CFAP58: variants seen among roughly 807,000 people sequenced by gnomAD.
CFAP58 encodes cilia- and flagella-associated protein 58.
Under a neutral mutation model 119.5 loss-of-function variants are expected in CFAP58, and 88 were observed. The ratio of observed to expected loss-of-function variants is 0.74; its 90% CI spans 0.62 to 0.88. CFAP58 has a LOEUF of 0.88. Ranked by LOEUF, CFAP58 falls within the 40% of genes least tolerant of loss-of-function variation. The pLI is 0.00. For synonymous variants in CFAP58, 365 were observed against 366.3 expected, an observed-to-expected ratio of 1.00 and a Z score of 0.04; for missense variants, 990 against 1,021.2, an observed-to-expected ratio of 0.97 and a Z score of 0.42.
In CFAP58 at chr10:104,399,481, A is replaced by G. The variant is rs764930014; in HGVS notation, c.1796A>G (p.Gln599Arg). 152 of 1,613,590 alleles carry G rather than the reference A, an allele frequency of 9.4e-5. No individual in the cohort carries two copies. The highest frequency in any genetic ancestry group is 1.2e-4 in the Non-Finnish European group (147 of 1,179,772). The part of the protein sequence containing the change: ...IAEADGERLR[Q>R]KKELDQVISE... ...GAGGCTGACGGGGAGAGGTTGAGAC[A>G]GAAGAAGGAATTAGACCAGGTAGAG... The change falls in exon 12 of 18, where the codon CAG becomes CGG. Residue 599 changes from glutamine (Q) to arginine (R), a missense_variant. By Grantham distance (43) the Gln-to-Arg change is conservative. Transcript: ENST00000369704.
chr10:104,444,541 G>A (rs2013084252), intron 15 of CFAP58, among the ~76,000 whole-genome samples: 2 of 152,174 alleles, frequency 1.3e-5, no homozygotes, highest in African/African-American at 4.8e-5. Context: ...AGGATTACGA[G>A]AGAAATAAAT....
At chr10:104,369,762 A>C (rs1391642736) in intron 6 of CFAP58, among the ~76,000 whole-genome samples, 12 of 152,228 alleles carry the variant, frequency 7.9e-5, no homozygotes, top group Admixed American at 7.9e-4. Context: ...TCTGAGGATA[A>C]CATGAACAGC....
chr10:104,363,820 C>T (rs1443681983), intron 3 of CFAP58, among the ~76,000 whole-genome samples: 2 of 152,232 alleles, frequency 1.3e-5, no homozygotes, highest in Non-Finnish European at 2.9e-5. Context: ...CGTTTGATGA[C>T]TGTCAGCTGC....
At position 104,380,075 on chromosome 10, in the gene CFAP58, T is replaced by C; in HGVS notation, c.1220T>C (p.Val407Ala). Residue 407 changes from valine (V) to alanine (A), a missense_variant, in exon 9 of 18, where the codon GTA becomes GCA. By Grantham distance (64) the Val-to-Ala change is moderately conservative. Coordinates refer to ENST00000369704, the MANE Select transcript of CFAP58 (RefSeq NM_001008723.2). ...VNATQKQTDL[V>A]KLHEQAKRNL... is the part of the protein sequence containing the mutation. ...GCGACCCAGAAGCAGACAGACTTGG[T>C]AAAGCTCCATGAACAAGCCAAGAGG... 6.2e-7 allele frequency: 1 copy of C among 1,614,050 alleles called. No homozygotes were observed. The highest frequency in any genetic ancestry group is 8.5e-7 in the Non-Finnish European group (1 of 1,179,992).
At chr10:104,444,363 C>T (rs2013081860) in intron 15 of CFAP58, among the ~76,000 whole-genome samples, 1 of 152,190 alleles carries the variant, frequency 6.6e-6, no homozygotes, top group Non-Finnish European at 1.5e-5. Flanking sequence ...TATAAGGCAG[C>T]TGGTTCTGCC....
intron 5 of CFAP58, among the ~76,000 whole-genome samples, chr10:104,366,509 C>T (rs951003098): frequency 2.6e-5 from 4 of 152,302 alleles, no homozygotes; most frequent in South Asian, 2.1e-4. Context: ...TTCTTTGTGT[C>T]TAACTTCTGC....
chr10:104,411,321 C>T (rs957648072), intron 15 of CFAP58, among the ~76,000 whole-genome samples: 20 of 152,226 alleles, frequency 1.3e-4, no homozygotes, highest in African/African-American at 4.6e-4. Flanking sequence ...CTCTTTTTCA[C>T]ATATGCCTGG....
intron 9 of CFAP58, among the ~76,000 whole-genome samples, chr10:104,391,673 T>G (rs1395896196): frequency 1.3e-5 from 2 of 152,210 alleles, no homozygotes; most frequent in African/African-American, 4.8e-5. Flanking sequence ...GCATCCCGCC[T>G]TTCCTGGAAG....
chr10:104,362,280 G>A (rs1309629358), intron 3 of CFAP58, 109 bp downstream of exon 3: 8 of 924,196 alleles, frequency 8.7e-6, no homozygotes, highest in Non-Finnish European at 1.3e-5. Flanking sequence ...TGTGATACAA[G>A]ACTCTTCTTT....
At chr10:104,363,255 C>A (rs982351242) in intron 3 of CFAP58, among the ~76,000 whole-genome samples, 16 of 152,308 alleles carry the variant, frequency 1.1e-4, no homozygotes, top group Admixed American at 5.2e-4. Flanking sequence ...AGGAAGGCAC[C>A]TTTATATCCC....
At chr10:104,444,273 A>G (rs915306156) in intron 15 of CFAP58, among the ~76,000 whole-genome samples, 15 of 152,236 alleles carry the variant, frequency 9.9e-5, no homozygotes, top group Non-Finnish European at 1.8e-4. Flanking sequence ...TCATTGACAT[A>G]TGGTGCTTCT....
chr10:104,450,668 G>GTTTT (rs1171723645), intron 17 of CFAP58, among the ~76,000 whole-genome samples: 42 of 126,440 alleles, frequency 3.3e-4, no homozygotes, highest in African/African-American at 1.1e-3. Flanking sequence ...GTTCACCTAT[G>GTTTT]TTTTATTTAT....
the CFAP58 span, among the ~76,000 whole-genome samples, chr10:104,343,135 ATGGAATTTCACAAGATAATAGCAAG>A: frequency 6.6e-6 from 1 of 152,228 alleles, no homozygotes; most frequent in East Asian, 1.9e-4. Context: ...TCAACTTCAC[ATGGAATTTCACAAGATAATAGCAAG>A]TTAGTTTAGA....
At chr10:104,346,674 C>T in the CFAP58 span, among the ~76,000 whole-genome samples, 321 of 122,658 alleles carry the variant, frequency 2.6e-3, 4 homozygotes, top group Middle Eastern at 0.012. Flanking sequence ...CTCACTCTGT[C>T]GCCCAGGCTG....
chr10:104,359,240 G>A (rs538326537), intron 2 of CFAP58, among the ~76,000 whole-genome samples: 17 of 152,120 alleles, frequency 1.1e-4, no homozygotes, highest in Non-Finnish European at 2.4e-4. Context: ...GTGATAAGAG[G>A]TTGAAACATA....
chr10:104,359,904 A>G (rs549132903), intron 2 of CFAP58, among the ~76,000 whole-genome samples: 1 of 152,380 alleles, frequency 6.6e-6, no homozygotes, highest in East Asian at 1.9e-4. Flanking sequence ...TGATTTGGAT[A>G]AAACTTCTGT....
chr10:104,454,756 T>C lies in CFAP58; in HGVS notation c.*226T>C. 2.1e-6 allele frequency: 1 copy of C among 484,432 alleles called. No individual in the cohort carries two copies. 30.0% of individuals were successfully genotyped at this position (484,432 alleles called of 1,614,324 possible). Reference sequence around the variant, plus strand: ...CTCTCTGTTCAGTTAGGCTGACCTATTGCATGAAGCAAATCTTTTGTTGCT... The same window carrying C: ...CTCTCTGTTCAGTTAGGCTGACCTACTGCATGAAGCAAATCTTTTGTTGCT... On this transcript the variant is annotated 3_prime_UTR_variant, in exon 18 of 18. Coordinates refer to ENST00000369704, the MANE Select transcript of CFAP58 (RefSeq NM_001008723.2).
At chr10:104,418,253 C>G (rs1231353470) in intron 15 of CFAP58, among the ~76,000 whole-genome samples, 4 of 152,160 alleles carry the variant, frequency 2.6e-5, no homozygotes, top group African/African-American at 9.7e-5. Flanking sequence ...CTCTTAGAAA[C>G]CTTAGTCATT....
chr10:104,377,872 T>C (rs568902927), intron 8 of CFAP58, among the ~76,000 whole-genome samples: 2 of 152,370 alleles, frequency 1.3e-5, no homozygotes, highest in South Asian at 2.1e-4. Flanking sequence ...TGTTTTTTCT[T>C]CTTGGACAAT....
Sources: gnomAD v4.1 joint callset for allele counts (sites outside exome capture counted in the v4.1 genomes callset) on GRCh38, gnomAD v4.1.1 for gene constraint, MANE v1.5 for transcripts, NCBI Gene and HGNC (gene_info 2026-07-23, HGNC 2026-07-21) for gene names.